Variants in DAAM1 observed in about 807,000 individuals in gnomAD.
DAAM1 encodes dishevelled associated activator of morphogenesis 1, also known as disheveled-associated activator of morphogenesis 1.
A neutral mutation model predicts 130.0 loss-of-function variants in DAAM1; 52 were observed. The observed-to-expected ratio is 0.40, with a 90% CI of 0.32 to 0.50. The LOEUF (loss-of-function observed/expected upper bound fraction) is 0.50. DAAM1 is among the 20% of genes least tolerant of loss of function. The probability of loss-of-function intolerance (pLI) is 0.61; values close to 1 mark genes in which losing one functional copy is unlikely to be tolerated. For synonymous variants in DAAM1, 452 were observed against 444.5 expected, an observed-to-expected ratio of 1.02 and a Z score of -0.21; for missense variants, 1,134 against 1,303.8, an observed-to-expected ratio of 0.87 and a Z score of 2.01.
At chr14:59,302,713 G>C (rs1033507353) in intron 3 of DAAM1, among the ~76,000 whole-genome samples, 2 of 152,038 alleles carry the variant, frequency 1.3e-5, no homozygotes, top group Admixed American at 1.3e-4. Context: ...GAGTGCAGTG[G>C]CGCAATTTCA....
chr14:59,305,376 G>A, intron 3 of DAAM1, among the ~76,000 whole-genome samples: 1 of 152,108 alleles, frequency 6.6e-6, no homozygotes, highest in Non-Finnish European at 1.5e-5. Flanking sequence ...AAACTGAGGG[G>A]GAGTTGTCAT....
chr14:59,276,805 C>T (rs1347448105), intron 2 of DAAM1, among the ~76,000 whole-genome samples: 1 of 152,016 alleles, frequency 6.6e-6, no homozygotes, highest in Non-Finnish European at 1.5e-5. Flanking sequence ...AACAAAACCC[C>T]CAAACACAAT....
rs571846824 is a variant in DAAM1 at position 59,343,576 on chromosome 14, C to A, written c.2075+3396C>A. 2.6e-5 allele frequency among the ~76,000 whole-genome samples: 4 copies of A among 152,328 alleles called. 1 individual carries two copies. The South Asian group carries it at 8.3e-4, about 32-fold the overall frequency. On this transcript the variant is annotated intron_variant, in intron 16 of 24. Coordinates refer to ENST00000360909, the MANE Select transcript of DAAM1 (RefSeq NM_001270520.2). ...ACACCAAAGTTCACCACAGTGAAAG[C>A]CTGTGGCGTATTCCATGGGCTGTAT...
intron 2 of DAAM1, among the ~76,000 whole-genome samples, chr14:59,290,799 C>G: frequency 6.6e-6 from 1 of 152,208 alleles, no homozygotes; most frequent in East Asian, 1.9e-4. Context: ...CCAGGTTCTT[C>G]AGGGCCCAGC....
At chr14:59,258,123 T>C (rs1200827066) in intron 1 of DAAM1, among the ~76,000 whole-genome samples, 1 of 152,244 alleles carries the variant, frequency 6.6e-6, no homozygotes, top group Non-Finnish European at 1.5e-5. Flanking sequence ...TTTTCATCCC[T>C]CTTCCCTTAG....
At chr14:59,324,297 T>G (rs41285508) in intron 7 of DAAM1, 54 bp from the exon 8 acceptor site, 57,334 of 1,437,630 alleles carry the variant, frequency 0.04, 1,337 homozygotes, top group Non-Finnish European at 0.043. Flanking sequence ...AAAAAGTGAT[T>G]ATTATGTAGT....
intron 1 of DAAM1, among the ~76,000 whole-genome samples, chr14:59,243,114 G>C (rs1881203258): frequency 6.6e-6 from 1 of 152,164 alleles, no homozygotes; most frequent in African/African-American, 2.4e-5. Context: ...GAACTACTTT[G>C]ATCCTGGGCT....
At chr14:59,253,887 T>C (rs1881754526) in intron 1 of DAAM1, among the ~76,000 whole-genome samples, 1 of 152,214 alleles carries the variant, frequency 6.6e-6, no homozygotes, top group Non-Finnish European at 1.5e-5. Context: ...CTTCAAGATA[T>C]GGTAAACATA....
At position 59,367,460 on chromosome 14, in the gene DAAM1, A is replaced by G; in HGVS notation, c.2858A>G (p.Glu953Gly). 6.2e-7 allele frequency: 1 copy of G among 1,613,290 alleles called. No homozygotes were observed. Among genetic ancestry groups the G allele is most frequent in the South Asian group, 1.1e-5 (1 of 90,962 alleles). The change falls in exon 24 of 25, where the codon GAG (glutamate) becomes GGG (glycine). Residue 953 changes from glutamate to glycine, a missense_variant. This residue lies in a region of DAAM1 where 644 missense variants were observed against 695.9 expected (regional missense o/e 0.93). Transcript: ENST00000360909. ...AAAGCAGTGAAGCACTTTGGGGAAG[A>G]GGCTGGCAAAATACAACCAGATGAG... ...FTKAVKHFGE[E>G]AGKIQPDEFF...
intron 17 of DAAM1, among the ~76,000 whole-genome samples, chr14:59,350,252 C>A (rs531509957): frequency 2.0e-5 from 3 of 152,166 alleles, no homozygotes; most frequent in Middle Eastern, 3.4e-3. Flanking sequence ...GGCCCCATTC[C>A]TTTCTTCTAG....
intron 15 of DAAM1, among the ~76,000 whole-genome samples, chr14:59,334,550 GGCATGAATACCATTACCTGTAT>G (rs1885553017): frequency 6.6e-6 from 1 of 152,068 alleles, no homozygotes; most frequent in Non-Finnish European, 1.5e-5. Flanking sequence ...CAAAGGTAAT[GGCATGAATACCATTACCTGTAT>G]GCATGCAACA....
Position 59,226,539 on chromosome 14 carries a change from G to A in DAAM1, c.-37-36902G>A, listed in dbSNP as rs148947855. ...CATCACATTTCTAGCAGGATTGGGG[G>A]TGGGATGGGCCTGACATGATACCAA... On this transcript the variant is annotated intron_variant, in intron 1 of 24. Coordinates refer to ENST00000360909, the MANE Select transcript of DAAM1 (RefSeq NM_001270520.2). Among the ~76,000 whole-genome samples, 809 of 152,252 alleles carry A rather than the reference G, an allele frequency of 5.3e-3. 10 individuals are homozygous for A. The highest frequency in any genetic ancestry group is 0.018 in the African/African-American group (758 of 41,536).
intron 4 of DAAM1, among the ~76,000 whole-genome samples, chr14:59,316,625 T>A (rs1884806432): frequency 6.6e-6 from 1 of 152,212 alleles, no homozygotes; most frequent in Non-Finnish European, 1.5e-5. Context: ...AAAAGGGTGA[T>A]CTCAGCATTT....
chr14:59,323,951 G>A lies in DAAM1; in HGVS notation c.775-177G>A, dbSNP rs553875639. On this transcript the variant is annotated intron_variant, in intron 6 of 24. Coordinates refer to ENST00000360909, the MANE Select transcript of DAAM1 (RefSeq NM_001270520.2). ...GGAGGCTGAGGCAAGAGAATGGCGT[G>A]AACCCGGGAGGTGGAGGTTGCCGTG... 1.2e-3 allele frequency among the ~76,000 whole-genome samples: 177 copies of A among 151,932 alleles called. 1 individual carries two copies. Among genetic ancestry groups the A allele is most frequent in the African/African-American group, 4.1e-3 (169 of 41,428 alleles).
chr14:59,327,402 CTTTTT>C (rs386381493), intron 12 of DAAM1, among the ~76,000 whole-genome samples: 23 of 58,988 alleles, frequency 3.9e-4, no homozygotes, highest in Admixed American at 1.8e-3. Context: ...CACTTGGTTT[CTTTTT>C]TTTTTTTTTT....
At chr14:59,337,190 T>G (rs1163871776) in intron 15 of DAAM1, among the ~76,000 whole-genome samples, 2 of 152,242 alleles carry the variant, frequency 1.3e-5, no homozygotes, top group Non-Finnish European at 2.9e-5. Flanking sequence ...TGGAGTTCAC[T>G]TCGCCATAGT....
At chr14:59,344,055 G>T (rs1025354334) in intron 16 of DAAM1, among the ~76,000 whole-genome samples, 2 of 152,198 alleles carry the variant, frequency 1.3e-5, no homozygotes, top group East Asian at 1.9e-4. Flanking sequence ...AGGCCTGGGG[G>T]TGGCAGCGGG....
intron 3 of DAAM1, among the ~76,000 whole-genome samples, chr14:59,308,686 C>T (rs1884460875): frequency 6.6e-6 from 1 of 152,144 alleles, no homozygotes. Context: ...CCTGTGATGG[C>T]TTTGGTTAAA....
At chr14:59,292,729 GT>G (rs1883799368) in intron 3 of DAAM1, among the ~76,000 whole-genome samples, 1 of 152,180 alleles carries the variant, frequency 6.6e-6, no homozygotes, top group South Asian at 2.1e-4. Context: ...GAGAAATGTG[GT>G]CAGCCTTAAC....
Sources: gnomAD v4.1 joint callset for allele counts (sites outside exome capture counted in the v4.1 genomes callset) on GRCh38, gnomAD v4.1.1 for gene constraint, gnomAD v4.1.1 regional missense constraint, MANE v1.5 for transcripts, NCBI Gene and HGNC (gene_info 2026-07-23, HGNC 2026-07-21) for gene names.